The following ABCA5 variants were observed in gnomAD, a reference collection of about 807,000 sequenced individuals.
ABCA5 encodes ATP binding cassette subfamily A member 5, also known as cholesterol transporter ABCA5.
In ABCA5, 163 loss-of-function variants were observed where a neutral mutation model predicts 206.0. The observed-to-expected ratio is 0.79, with a 90% CI of 0.70 to 0.90. The LOEUF (loss-of-function observed/expected upper bound fraction) is 0.90. Ranked by LOEUF, ABCA5 falls within the 40% of genes least tolerant of loss-of-function variation. ABCA5 has a pLI of 0.00. For missense variants in ABCA5, 1,859 were observed against 1,912.9 expected (o/e 0.97, Z 0.53); for synonymous variants, 609 against 613.8 (o/e 0.99, Z 0.11).
chr17:69,268,096 C>A (rs779643321), intron 22 of ABCA5, 40 bp from the exon 23 acceptor site: 1 of 911,938 alleles, frequency 1.1e-6, no homozygotes, highest in Non-Finnish European at 1.8e-6. Flanking sequence ...AACTGAGAAT[C>A]ATTTTATATC....
chr17:69,319,369 A>T lies in ABCA5; in HGVS notation c.-15-4939T>A, dbSNP rs578188710. On this transcript the variant is annotated intron_variant, in intron 1 of 38. Transcript: ENST00000392676. ...CTCATAGAGTAGATGGATTCACAGAATTTTTTGTTTTTTTGAGAACTGCTT... is the reference window on the plus strand; with the variant it reads ...CTCATAGAGTAGATGGATTCACAGATTTTTTTGTTTTTTTGAGAACTGCTT... Among the ~76,000 whole-genome samples, 8 of 152,238 alleles carry T rather than the reference A, an allele frequency of 5.3e-5. No individual in the cohort carries two copies. In the South Asian group the frequency reaches 8.3e-4, roughly 16 times the overall value.
chr17:69,262,502 T>C (rs2075160433), intron 24 of ABCA5, among the ~76,000 whole-genome samples: 1 of 152,148 alleles, frequency 6.6e-6, no homozygotes, highest in Non-Finnish European at 1.5e-5. Context: ...TTCTGTTCCT[T>C]TGTTAATTCA....
intron 20 of ABCA5, 113 bp downstream of exon 20, chr17:69,273,846 G>A: frequency 2.1e-6 from 2 of 971,726 alleles, no homozygotes; most frequent in Non-Finnish European, 3.0e-6. Context: ...TAGATTTCAT[G>A]CAGACAGACC....
chr17:69,305,833 T>C (rs2075711501), intron 6 of ABCA5, among the ~76,000 whole-genome samples: 1 of 152,162 alleles, frequency 6.6e-6, no homozygotes, highest in Non-Finnish European at 1.5e-5. Flanking sequence ...ATCATGCCAC[T>C]ATACTCCAGC....
At chr17:69,262,193 T>G (rs2075155952) in intron 24 of ABCA5, among the ~76,000 whole-genome samples, 1 of 152,080 alleles carries the variant, frequency 6.6e-6, no homozygotes, top group South Asian at 2.1e-4. Flanking sequence ...TGCAAATCAG[T>G]CTCTTCTTTG....
In ABCA5 at chr17:69,250,546, C is replaced by A. The variant is rs1257868825; in HGVS notation, c.4611G>T (p.Trp1537Cys). The A allele has an allele frequency of 1.0e-5, 16 of 1,605,302 alleles. No individual in the cohort carries two copies. The highest frequency in any genetic ancestry group is 6.7e-5 in the South Asian group (6 of 89,372). The change falls in exon 36 of 39, where the codon TGG (tryptophan) becomes TGT (cysteine). Residue 1537 changes from tryptophan to cysteine, a missense_variant. Transcript: ENST00000392676. Reference sequence around the variant, plus strand: ...GGCGGTCTACTTCTAGGTTTTCTATCCAGTCCTTCAATTTAATTTCCAAAA... The same window carrying A: ...GGCGGTCTACTTCTAGGTTTTCTATACAGTCCTTCAATTTAATTTCCAAAA... Reference protein sequence around the residue: ...GYFLEIKLKDWIENLEVDRLQ... With the variant: ...GYFLEIKLKDCIENLEVDRLQ...
chr17:69,249,864 C>G, intron 37 of ABCA5, 41 bp downstream of exon 37: 1 of 1,538,664 alleles, frequency 6.5e-7, no homozygotes, highest in Non-Finnish European at 8.8e-7. Context: ...TGAACATCTT[C>G]CTTAGGAATT....
In ABCA5 at chr17:69,286,141, CAT is replaced by C. The variant is rs561919110; in HGVS notation, c.2132+78_2132+79del. On this transcript the variant is annotated intron_variant, in intron 16 of 38. Coordinates refer to ENST00000392676, the MANE Select transcript of ABCA5 (RefSeq NM_172232.4). ...TTAGTACCATAAATGATGGTCAAAG[CAT>C]ATAACAGCAAGCCTCCAACATAATA... The C allele has an allele frequency of 1.4e-5, 21 of 1,543,322 alleles. No homozygotes were observed. In the South Asian group the frequency reaches 2.5e-4, roughly 18 times the overall value.
intron 20 of ABCA5, among the ~76,000 whole-genome samples, chr17:69,271,726 G>T (rs1376643189): frequency 1.3e-5 from 2 of 151,980 alleles, no homozygotes; most frequent in African/African-American, 4.8e-5. Flanking sequence ...CATGAAATTT[G>T]GTTAAATAAT....
chr17:69,304,927 T>C, intron 6 of ABCA5, 117 bp from the exon 7 acceptor site: 2 of 933,604 alleles, frequency 2.1e-6, no homozygotes, highest in Non-Finnish European at 3.0e-6. Flanking sequence ...TAAGTCACTG[T>C]TCATTTCTGT....
rs998502103 is a variant in ABCA5, at chr17:69,245,149, G to C, written c.*2388C>G. The C allele has an allele frequency of 6.6e-6, 1 of 151,134 alleles. No individual in the cohort carries two copies. The highest frequency in any genetic ancestry group is 2.4e-5 in the African/African-American group (1 of 41,230). 9.4% of individuals were successfully genotyped at this position (151,134 alleles called of 1,614,324 possible). Reference sequence around the variant, plus strand: ...TTTAAAAGAAAAAAATTATTTTAAAGAAAACCCACTGTCTTTACTGAAAAC... The same window carrying C: ...TTTAAAAGAAAAAAATTATTTTAAACAAAACCCACTGTCTTTACTGAAAAC... On this transcript the variant is annotated 3_prime_UTR_variant, in exon 39 of 39. Transcript: ENST00000392676.
chr17:69,285,879 G>T lies in ABCA5; in HGVS notation c.2272+19C>A. The T allele has an allele frequency of 6.2e-7, 1 of 1,604,074 alleles. No homozygotes were observed. The highest frequency in any genetic ancestry group is 1.1e-5 in the South Asian group (1 of 89,142). Reference sequence around the variant, plus strand: ...TAGGATCCCAGTTCAAACACCAAGAGACTTAAAGTAAGTAATACCTGAAAA... The same window carrying T: ...TAGGATCCCAGTTCAAACACCAAGATACTTAAAGTAAGTAATACCTGAAAA... On this transcript the variant is annotated intron_variant, in intron 17 of 38. Transcript: ENST00000392676.
Position 69,285,987 on chromosome 17 carries a change from T to C in ABCA5, c.2183A>G (p.Lys728Arg), listed in dbSNP as rs762322818. Residue 728 changes from lysine to arginine, a missense_variant, in exon 17 of 39, where the codon AAA becomes AGA. Physicochemically the swap from Lys to Arg is conservative, Grantham distance 26. Coordinates refer to ENST00000392676, the MANE Select transcript of ABCA5 (RefSeq NM_172232.4). Reference protein sequence around the residue: ...CATESLSSLVKQHIPGATLLQ... With the variant: ...CATESLSSLVRQHIPGATLLQ... Reference sequence around the variant, plus strand: ...TAAAGTAGCTCCAGGTATATGTTGTTTAACCAGTGAAGAAAGAGATTCTGT... The same window carrying C: ...TAAAGTAGCTCCAGGTATATGTTGTCTAACCAGTGAAGAAAGAGATTCTGT... 1.2e-6 allele frequency: 2 copies of C among 1,613,180 alleles called. No individual in the cohort carries two copies. Among genetic ancestry groups the C allele is most frequent in the South Asian group, 2.2e-5 (2 of 91,022 alleles).
chr17:69,244,333 C>A lies in ABCA5; in HGVS notation c.*3204G>T, dbSNP rs914297728. The A allele has an allele frequency of 3.3e-5, 5 of 152,002 alleles. No individual in the cohort carries two copies. The highest frequency in any genetic ancestry group is 7.4e-5 in the Non-Finnish European group (5 of 67,922). 9.4% of individuals were successfully genotyped at this position (152,002 alleles called of 1,614,324 possible). A position where few individuals can be genotyped will look rare whatever the true frequency, so the allele number is the denominator to read the frequency against. On this transcript the variant is annotated 3_prime_UTR_variant, in exon 39 of 39. Coordinates refer to ENST00000392676, the MANE Select transcript of ABCA5 (RefSeq NM_172232.4). ...CAATTTTAGTGCCAGGTTTTTGCAT[C>A]ATTTTTAATATGAGCTACTCATTAT...
Position 69,308,279 on chromosome 17 carries a change from C to T in ABCA5, c.558+1G>A. 6.4e-7 allele frequency: 1 copy of T among 1,566,220 alleles called. No individual in the cohort carries two copies. Among genetic ancestry groups the T allele is most frequent in the Non-Finnish European group, 8.8e-7 (1 of 1,139,006 alleles). On this transcript the variant is annotated splice_donor_variant, in intron 5 of 38. Coordinates refer to ENST00000392676, the MANE Select transcript of ABCA5 (RefSeq NM_172232.4). LOFTEE classifies it high-confidence loss of function. The stretch of plus-strand genomic sequence containing the variant: ...TGTATTTCTTCCTTTATCATATTTA[C>T]CTGTATAATGGCAGCATCTATGGAT...
intron 24 of ABCA5, among the ~76,000 whole-genome samples, chr17:69,262,601 A>G (rs2075161560): frequency 6.6e-6 from 1 of 152,152 alleles, no homozygotes; most frequent in South Asian, 2.1e-4. Context: ...TCCGTGGTGT[A>G]TATGTACCAC....
chr17:69,320,228 A>G (rs2075851913), intron 1 of ABCA5, among the ~76,000 whole-genome samples: 2 of 152,208 alleles, frequency 1.3e-5, no homozygotes, highest in Admixed American at 6.5e-5. Flanking sequence ...CAATTACAGA[A>G]CTTAGAAATG....
chr17:69,244,498 T>C lies in ABCA5; in HGVS notation c.*3039A>G, dbSNP rs1039775374. 3 of 151,780 alleles carry C rather than the reference T, an allele frequency of 2.0e-5. No individual in the cohort carries two copies. Among genetic ancestry groups the C allele is most frequent in the Non-Finnish European group, 2.9e-5 (2 of 67,864 alleles). The allele number at this position is 151,780 out of a possible 1,614,324, so 9.4% of individuals were successfully genotyped here. A position where few individuals can be genotyped will look rare whatever the true frequency, so the allele number is the denominator to read the frequency against. On this transcript the variant is annotated 3_prime_UTR_variant, in exon 39 of 39. Transcript: ENST00000392676. ...AGCAGCATTGAGAATTGCTTACATA[T>C]ATTATAAATAAAAAATAATTAAACT... is the stretch of plus-strand genomic sequence containing the variant.
At chr17:69,289,354 T>C (rs747262525) in intron 13 of ABCA5, 58 bp from the exon 14 acceptor site, 112 of 1,269,922 alleles carry the variant, frequency 8.8e-5, no homozygotes, top group Non-Finnish European at 1.1e-4. Context: ...TATATAATTA[T>C]CAATATTACT....
Sources: allele counts gnomAD v4.1 joint callset (sites outside exome capture counted in the v4.1 genomes callset), GRCh38; gene constraint gnomAD v4.1.1; transcripts MANE v1.5; gene names NCBI Gene and HGNC (gene_info 2026-07-23, HGNC 2026-07-21).